ETNK1: variants seen among roughly 807,000 people sequenced by gnomAD.
ETNK1 encodes the protein putative protein product of Nbla10396.
ETNK1 carries 8 observed loss-of-function variants against 45.1 expected under a neutral mutation model. The observed-to-expected ratio is 0.18, with a 90% confidence interval of 0.10 to 0.32. ETNK1 has a LOEUF of 0.32. Among genes scored for constraint, ETNK1 ranks in the 10% least tolerant of loss-of-function variants. The pLI is 1.00. For synonymous variants in ETNK1, 152 were observed against 151.9 expected, an observed-to-expected ratio of 1.00 and a Z score of -0.01; for missense variants, 302 against 430.6, an observed-to-expected ratio of 0.70 and a Z score of 2.64.
intron 6 of ETNK1, among the ~76,000 whole-genome samples, chr12:22,681,162 T>A (rs1305207943): frequency 6.6e-6 from 1 of 151,888 alleles, no homozygotes; most frequent in Non-Finnish European, 1.5e-5. Flanking sequence ...CCATTTAGAA[T>A]CTACTGTTAT....
chr12:22,684,957 A>G lies in ETNK1; in HGVS notation c.*3A>G. 1 of 1,592,126 alleles carries G rather than the reference A, an allele frequency of 6.3e-7. No individual in the cohort carries two copies. The highest frequency in any genetic ancestry group is 8.6e-7 in the Non-Finnish European group (1 of 1,169,542). ...CTGCATTAAAAGTGCCTGAGTAAAG[A>G]AGAGATTTAATTATTCTCCAGTAGC... On this transcript the variant is annotated 3_prime_UTR_variant, in exon 8 of 8. Coordinates refer to ENST00000266517, the MANE Select transcript of ETNK1 (RefSeq NM_018638.5).
At position 22,688,624 on chromosome 12, in the gene ETNK1, A is replaced by G. The variant is rs1279941040; in HGVS notation, c.*3670A>G. Reference sequence around the variant, plus strand: ...GACTTAAGCTTTTAATCAATCAGTCATTCAGTTGATAGACAAAGTTAGCGA... The same window carrying G: ...GACTTAAGCTTTTAATCAATCAGTCGTTCAGTTGATAGACAAAGTTAGCGA... On this transcript the variant is annotated 3_prime_UTR_variant, in exon 8 of 8. Coordinates refer to ENST00000266517, the MANE Select transcript of ETNK1 (RefSeq NM_018638.5). 1 of 152,394 alleles carries G rather than the reference A, an allele frequency of 6.6e-6. No homozygotes were observed. Among genetic ancestry groups the G allele is most frequent in the East Asian group, 1.9e-4 (1 of 5,198 alleles). The allele number at this position is 152,394 out of a possible 1,614,324, so 9.4% of individuals were successfully genotyped here.
chr12:22,688,133 G>T lies in ETNK1; in HGVS notation c.*3179G>T, dbSNP rs1297221745. ...AATTTAATAATTTCCTATTTTTAGG[G>T]TTGTTAATTTTTTTCTACAAAAAAA... On this transcript the variant is annotated 3_prime_UTR_variant, in exon 8 of 8. Coordinates refer to ENST00000266517, the MANE Select transcript of ETNK1 (RefSeq NM_018638.5). 1 of 151,584 alleles carries T rather than the reference G, an allele frequency of 6.6e-6. No individual in the cohort carries two copies. The highest frequency in any genetic ancestry group is 1.9e-4 in the East Asian group (1 of 5,190). 9.4% of individuals were successfully genotyped at this position (151,584 alleles called of 1,614,324 possible).
chr12:22,641,681 T>G (rs1352600342), intron 1 of ETNK1, among the ~76,000 whole-genome samples: 1 of 152,180 alleles, frequency 6.6e-6, no homozygotes, highest in Non-Finnish European at 1.5e-5. Flanking sequence ...AAATTACTTA[T>G]GGAGAAACAA....
At chr12:22,669,749 C>A (rs911375464) in intron 4 of ETNK1, among the ~76,000 whole-genome samples, 4 of 152,136 alleles carry the variant, frequency 2.6e-5, no homozygotes, top group African/African-American at 9.6e-5. Context: ...GCAGGAGGAT[C>A]ACTTCAGGCC....
At chr12:22,679,209 G>T (rs988872058) in intron 6 of ETNK1, among the ~76,000 whole-genome samples, 1 of 152,206 alleles carries the variant, frequency 6.6e-6, no homozygotes, top group African/African-American at 2.4e-5. Flanking sequence ...CAGAAGAGCC[G>T]ACAGTGCTGC....
chr12:22,685,156 G>A lies in ETNK1; in HGVS notation c.*202G>A. The A allele has an allele frequency of 2.3e-6, 1 of 444,120 alleles. No individual in the cohort carries two copies. The allele number at this position is 444,120 out of a possible 1,614,324, so 27.5% of individuals were successfully genotyped here. A position where few individuals can be genotyped will look rare whatever the true frequency, so the allele number is the denominator to read the frequency against. On this transcript the variant is annotated 3_prime_UTR_variant, in exon 8 of 8. Transcript: ENST00000266517. ...ATATACCTACTGCTATCCGTATGTGGTGGATTAGAAATGTGTTAAATCTGC... is the reference window on the plus strand; with the variant it reads ...ATATACCTACTGCTATCCGTATGTGATGGATTAGAAATGTGTTAAATCTGC...
intron 4 of ETNK1, among the ~76,000 whole-genome samples, chr12:22,663,530 T>TA (rs1425717641): frequency 3.3e-5 from 5 of 151,774 alleles, no homozygotes; most frequent in African/African-American, 1.2e-4. Flanking sequence ...TGTTAAAAAA[T>TA]ACATTTTCAC....
At chr12:22,634,764 A>C (rs1205988747) in intron 1 of ETNK1, among the ~76,000 whole-genome samples, 3 of 152,040 alleles carry the variant, frequency 2.0e-5, no homozygotes, top group Non-Finnish European at 4.4e-5. Context: ...CATGTTGCCC[A>C]GGCTGGTCTT....
At chr12:22,658,214 A>T (rs1334986633) in intron 2 of ETNK1, among the ~76,000 whole-genome samples, 1 of 152,132 alleles carries the variant, frequency 6.6e-6, no homozygotes, top group Non-Finnish European at 1.5e-5. Context: ...GAGAAGCAGG[A>T]TCCAATGGAG....
At chr12:22,657,578 T>C (rs1953958028) in intron 2 of ETNK1, among the ~76,000 whole-genome samples, 1 of 150,146 alleles carries the variant, frequency 6.7e-6, no homozygotes, top group South Asian at 2.1e-4. Context: ...TCTAACCGGT[T>C]TAACCACCCC....
intron 6 of ETNK1, among the ~76,000 whole-genome samples, chr12:22,683,894 A>G (rs547520088): frequency 1.6e-4 from 25 of 152,294 alleles, no homozygotes; most frequent in African/African-American, 6.0e-4. Flanking sequence ...TAAAGCACAC[A>G]TAATTATTTT....
In ETNK1 at chr12:22,645,495, T is replaced by C. The variant is rs373658486; in HGVS notation, c.416+1473T>C. On this transcript the variant is annotated intron_variant, in intron 2 of 7. Coordinates refer to ENST00000266517, the MANE Select transcript of ETNK1 (RefSeq NM_018638.5). ...TAAAAATATCCTTTTCTATACTTTT[T>C]GGTTAGATCTACTTACTTATTATTT... is the stretch of plus-strand genomic sequence containing the variant. 6.6e-5 allele frequency among the ~76,000 whole-genome samples: 10 copies of C among 152,000 alleles called. No individual in the cohort carries two copies. In the East Asian group the frequency reaches 1.7e-3, roughly 26 times the overall value.
At chr12:22,635,489 G>A (rs2137522206) in intron 1 of ETNK1, among the ~76,000 whole-genome samples, 1 of 152,288 alleles carries the variant, frequency 6.6e-6, no homozygotes, top group East Asian at 1.9e-4. Flanking sequence ...GTTTTCTTTG[G>A]TGACTATGAT....
chr12:22,663,723 A>G (rs566073080), intron 4 of ETNK1, among the ~76,000 whole-genome samples: 10 of 152,256 alleles, frequency 6.6e-5, no homozygotes, highest in African/African-American at 2.4e-4. Context: ...AAAATTTTAC[A>G]GCTGTACAGA....
chr12:22,659,122 C>T lies in ETNK1; in HGVS notation c.525C>T (p.Pro175=), dbSNP rs1442681343. 5 of 1,613,608 alleles carry T rather than the reference C, an allele frequency of 3.1e-6. No homozygotes were observed. The highest frequency in any genetic ancestry group is 2.7e-5 in the African/African-American group (2 of 74,906). ...TGGGAAAGTATTTCTCTCTCATTCC[C>T]ACAGGATTTGCAGATGAAGACATTA... ...LKMGKYFSLI[P]TGFADEDINK... is the part of the protein sequence containing the mutation. The change falls in exon 3 of 8, where the codon CCC becomes CCT. Residue 175 remains proline, a synonymous_variant. Coordinates refer to ENST00000266517, the MANE Select transcript of ETNK1 (RefSeq NM_018638.5).
chr12:22,651,699 T>C (rs1953878334), intron 2 of ETNK1, among the ~76,000 whole-genome samples: 1 of 150,088 alleles, frequency 6.7e-6, no homozygotes, highest in African/African-American at 2.5e-5. Context: ...TTTTTTTTTT[T>C]TTTGAGACAG....
intron 6 of ETNK1, among the ~76,000 whole-genome samples, chr12:22,680,800 T>A (rs1363699148): frequency 6.6e-6 from 1 of 151,994 alleles, no homozygotes; most frequent in African/African-American, 2.4e-5. Flanking sequence ...TGTCATTGAT[T>A]GTTTAATGTT....
chr12:22,659,833 T>C (rs1953981454), intron 3 of ETNK1, among the ~76,000 whole-genome samples: 1 of 152,100 alleles, frequency 6.6e-6, no homozygotes, highest in Non-Finnish European at 1.5e-5. Flanking sequence ...TTGAGGTTAA[T>C]GATTCTTTGG....
Sources: gnomAD v4.1 joint callset for allele counts (sites outside exome capture counted in the v4.1 genomes callset) on GRCh38, gnomAD v4.1.1 for gene constraint, MANE v1.5 for transcripts, NCBI Gene and HGNC (gene_info 2026-07-23, HGNC 2026-07-21) for gene names.